The following TUBB3 variants were observed in gnomAD, a reference collection of about 807,000 sequenced individuals.
TUBB3 encodes tubulin beta 3 class III, also known as tubulin beta-3 chain.
TUBB3 carries 17 observed loss-of-function variants against 37.8 expected under a neutral mutation model. That is an observed-to-expected ratio of 0.45 (90% CI 0.31 to 0.67). TUBB3 has a LOEUF of 0.67. TUBB3 is among the 30% of genes least tolerant of loss of function. TUBB3 has a pLI of 0.07. For synonymous variants in TUBB3, 332 were observed against 278.9 expected, an observed-to-expected ratio of 1.19 and a Z score of -1.90; for missense variants, 262 against 657.9, an observed-to-expected ratio of 0.40 and a Z score of 6.58.
chr16:89,925,427 TAA>T lies in TUBB3; in HGVS notation c.57+1987_57+1988del, dbSNP rs36088141. ...GATAACATGGTGAAACTCCGTTTCTTAAAAAAAAAAAAAAAAAAATTAGCCTG... is the reference window on the plus strand; with the variant it reads ...GATAACATGGTGAAACTCCGTTTCTTAAAAAAAAAAAAAAAAATTAGCCTG... On this transcript the variant is annotated intron_variant, in intron 1 of 3. Transcript: ENST00000315491. Among the ~76,000 whole-genome samples the T allele has an allele frequency of 6.3e-4, 86 of 137,082 alleles. 1 individual carries two copies. The highest frequency in any genetic ancestry group is 1.2e-3 in the African/African-American group (45 of 36,534). The allele number at this position is 137,082 out of a possible 152,430, so 89.9% of individuals were successfully genotyped here. A position where few individuals can be genotyped will look rare whatever the true frequency, so the allele number is the denominator to read the frequency against.
In TUBB3 at chr16:89,928,141, A is replaced by AC. The variant is rs551341883; in HGVS notation, c.58-4424dup. On this transcript the variant is annotated intron_variant, in intron 1 of 3. Coordinates refer to ENST00000315491, the MANE Select transcript of TUBB3 (RefSeq NM_006086.4). Reference sequence around the variant, plus strand: ...ATGATCTAGGCTCACTGCAACCTCCACCCCCCTGGCTCAAGTGATCCTCCC... The same window carrying AC: ...ATGATCTAGGCTCACTGCAACCTCCACCCCCCCTGGCTCAAGTGATCCTCCC... Among the ~76,000 whole-genome samples, 1,138 of 151,220 alleles carry AC rather than the reference A, an allele frequency of 7.5e-3. 7 individuals are homozygous for AC. Among genetic ancestry groups the AC allele is most frequent in the African/African-American group, 0.027 (1,103 of 41,160 alleles).
chr16:89,924,526 C>G (rs985952022), intron 1 of TUBB3, among the ~76,000 whole-genome samples: 1 of 151,746 alleles, frequency 6.6e-6, no homozygotes, highest in Non-Finnish European at 1.5e-5. Flanking sequence ...GCTGGTGCAG[C>G]GCTGATTCTG....
chr16:89,926,496 T>C (rs937812040), intron 1 of TUBB3, among the ~76,000 whole-genome samples: 5 of 152,234 alleles, frequency 3.3e-5, no homozygotes, highest in Non-Finnish European at 5.9e-5. Flanking sequence ...CCCCAAGCGC[T>C]GCGCGAGGTC....
intron 1 of TUBB3, among the ~76,000 whole-genome samples, chr16:89,931,052 C>A (rs1323803275): frequency 2.0e-5 from 3 of 152,136 alleles, no homozygotes; most frequent in Non-Finnish European, 4.4e-5. Flanking sequence ...TGGTCTCGAT[C>A]TCCTGACTTC....
At chr16:89,932,765 C>G in intron 2 of TUBB3, 86 bp downstream of exon 2, 1 of 1,073,190 alleles carries the variant, frequency 9.3e-7, no homozygotes, top group Non-Finnish European at 1.4e-6. Flanking sequence ...CACCTGGACT[C>G]ACCAGCTCTC....
At chr16:89,932,077 G>C in intron 1 of TUBB3, 1 of 290,046 alleles carries the variant, frequency 3.4e-6, no homozygotes, top group Non-Finnish European at 6.9e-6. Context: ...ACTGGACATG[G>C]TTTGCTCTCC....
At chr16:89,931,267 T>G (rs1422853962) in intron 1 of TUBB3, among the ~76,000 whole-genome samples, 3 of 152,226 alleles carry the variant, frequency 2.0e-5, no homozygotes, top group Non-Finnish European at 4.4e-5. Context: ...CCCACCAAAT[T>G]GTTTTCTAAC....
chr16:89,932,521 G>T (rs772507440), intron 1 of TUBB3, 50 bp from the exon 2 acceptor site: 3 of 1,510,140 alleles, frequency 2.0e-6, no homozygotes, highest in Admixed American at 1.7e-5. Flanking sequence ...AAAGGGCCTG[G>T]CTGGGGCTAT....
At chr16:89,931,496 C>T (rs776823645) in intron 1 of TUBB3, among the ~76,000 whole-genome samples, 3 of 152,172 alleles carry the variant, frequency 2.0e-5, no homozygotes, top group Non-Finnish European at 2.9e-5. Context: ...CGGCCTCGGC[C>T]ATCAGAGCGT....
At chr16:89,933,759 G>A in intron 3 of TUBB3, 181 bp downstream of exon 3, 1 of 711,408 alleles carries the variant, frequency 1.4e-6, no homozygotes, top group Non-Finnish European at 2.6e-6. Flanking sequence ...GGTTCTGTGG[G>A]GAGAACAGAA....
chr16:89,923,398 C>T lies in TUBB3; in HGVS notation c.-4C>T, dbSNP rs751565095. On this transcript the variant is annotated 5_prime_UTR_variant, in exon 1 of 4. Transcript: ENST00000315491. ...TCCGCAGCCGCCCGCCAGACGCGCC[C>T]AGTATGAGGGAGATCGTGCACATCC... The T allele has an allele frequency of 7.4e-6, 11 of 1,490,282 alleles. No homozygotes were observed. The highest frequency in any genetic ancestry group is 8.9e-6 in the Non-Finnish European group (10 of 1,118,192). The allele number at this position is 1,490,282 out of a possible 1,614,324, so 92.3% of individuals were successfully genotyped here.
chr16:89,928,142 C>G (rs2030150445), intron 1 of TUBB3, among the ~76,000 whole-genome samples: 1 of 149,808 alleles, frequency 6.7e-6, no homozygotes, highest in Non-Finnish European at 1.5e-5. Context: ...GCAACCTCCA[C>G]CCCCCTGGCT....
intron 1 of TUBB3, among the ~76,000 whole-genome samples, chr16:89,929,827 A>G (rs1464366031): frequency 2.0e-5 from 3 of 152,104 alleles, no homozygotes; most frequent in Non-Finnish European, 4.4e-5. Context: ...CAGCCTCCCA[A>G]GCAGCTGGGA....
chr16:89,932,741 T>A, intron 2 of TUBB3, 62 bp downstream of exon 2: 1 of 1,386,218 alleles, frequency 7.2e-7, no homozygotes, highest in Non-Finnish European at 1.0e-6. Flanking sequence ...AGCGTCTGAC[T>A]GACCAGGTCT....
chr16:89,930,488 A>G (rs909505933), intron 1 of TUBB3, among the ~76,000 whole-genome samples: 1 of 151,598 alleles, frequency 6.6e-6, no homozygotes, highest in Non-Finnish European at 1.5e-5. Flanking sequence ...CAGTGGTGCA[A>G]TCTTGGCTTA....
chr16:89,927,141 G>A (rs891176994), intron 1 of TUBB3, among the ~76,000 whole-genome samples: 1 of 152,018 alleles, frequency 6.6e-6, no homozygotes, highest in Non-Finnish European at 1.5e-5. Flanking sequence ...TTGGGAGGCC[G>A]AGGTGGGTGG....
chr16:89,932,545 C>A (rs755952546), intron 1 of TUBB3, 26 bp from the exon 2 acceptor site: 1 of 1,587,734 alleles, frequency 6.3e-7, no homozygotes, highest in Non-Finnish European at 8.6e-7. Context: ...CCGGTGCCGA[C>A]CCCCCCTCTC....
At position 89,926,326 on chromosome 16, in the gene TUBB3, C is replaced by G. The variant is rs532061972; in HGVS notation, c.57+2868C>G. On this transcript the variant is annotated intron_variant, in intron 1 of 3. Transcript: ENST00000315491. ...GGCGGAGTCCCTGGCTCGCCCCGCCCTCTCGCCTGAAAGACCTGCGGAGCC... is the reference window on the plus strand; with the variant it reads ...GGCGGAGTCCCTGGCTCGCCCCGCCGTCTCGCCTGAAAGACCTGCGGAGCC... Among the ~76,000 whole-genome samples the G allele has an allele frequency of 1.8e-3, 281 of 152,342 alleles. 1 individual carries two copies. The highest frequency in any genetic ancestry group is 6.4e-3 in the African/African-American group (266 of 41,590).
At chr16:89,923,557 A>C in intron 1 of TUBB3, 99 bp downstream of exon 1, 1 of 1,164,534 alleles carries the variant, frequency 8.6e-7, no homozygotes, top group Non-Finnish European at 1.1e-6. Context: ...GCCCCTGCGA[A>C]CCTGCAACAA....
Sources: allele counts gnomAD v4.1 joint callset (sites outside exome capture counted in the v4.1 genomes callset), GRCh38; gene constraint gnomAD v4.1.1; transcripts MANE v1.5; gene names NCBI Gene and HGNC (gene_info 2026-07-23, HGNC 2026-07-21).